The following EEF1AKMT2 variants were observed in gnomAD, a reference collection of about 807,000 sequenced individuals.
The protein encoded by EEF1AKMT2 is EEF1A lysine methyltransferase 2.
A neutral mutation model predicts 35.8 loss-of-function variants in EEF1AKMT2; 32 were observed. The observed-to-expected ratio is 0.89, with a 90% CI of 0.67 to 1.20. EEF1AKMT2 has a LOEUF of 1.20. Ranked by LOEUF, EEF1AKMT2 falls within the 50% of genes most tolerant of loss-of-function variation. The probability of loss-of-function intolerance (pLI) is 0.00; values close to 1 mark genes in which losing one functional copy is unlikely to be tolerated. For synonymous variants in EEF1AKMT2, 121 were observed against 133.7 expected (o/e 0.91, Z 0.65); for missense variants, 330 against 347.5 (o/e 0.95, Z 0.40).
intron 3 of EEF1AKMT2, chr10:124,782,930 A>G (rs1392020992): frequency 7.1e-6 from 3 of 421,210 alleles, no homozygotes; most frequent in African/African-American, 2.1e-5. Context: ...AAGGTTAGAG[A>G]TTGTTAGAAT....
At chr10:124,774,405 A>AG (rs1950470045) in intron 4 of EEF1AKMT2, among the ~76,000 whole-genome samples, 6 of 147,696 alleles carry the variant, frequency 4.1e-5, no homozygotes, top group Non-Finnish European at 8.9e-5. Context: ...AAAAAAAAAA[A>AG]AAAAACCCTT....
At chr10:124,772,133 G>A (rs1010022728) in intron 4 of EEF1AKMT2, among the ~76,000 whole-genome samples, 1 of 152,140 alleles carries the variant, frequency 6.6e-6, no homozygotes, top group East Asian at 1.9e-4. Flanking sequence ...ATGGGCATTG[G>A]CTTCAACTTA....
At chr10:124,783,036 GT>G in intron 3 of EEF1AKMT2, 1 of 376,268 alleles carries the variant, frequency 2.7e-6, no homozygotes, top group Non-Finnish European at 5.2e-6. Flanking sequence ...AATATAACAT[GT>G]AAAAACTAAA....
intron 4 of EEF1AKMT2, among the ~76,000 whole-genome samples, chr10:124,767,691 A>G (rs1950391653): frequency 6.6e-6 from 1 of 152,140 alleles, no homozygotes; most frequent in South Asian, 2.1e-4. Flanking sequence ...GGAAAAGAGT[A>G]GAAACTTTTC....
intron 3 of EEF1AKMT2, among the ~76,000 whole-genome samples, chr10:124,775,601 T>C (rs1277423687): frequency 6.6e-6 from 1 of 152,190 alleles, no homozygotes; most frequent in Non-Finnish European, 1.5e-5. Context: ...CACCATTTAC[T>C]AAATGGTTAC....
chr10:124,778,105 C>T (rs921730364), intron 3 of EEF1AKMT2, among the ~76,000 whole-genome samples: 25 of 151,832 alleles, frequency 1.6e-4, no homozygotes, highest in Admixed American at 1.5e-3. Context: ...GCAGGAGAAT[C>T]GCTTGAACCC....
chr10:124,779,747 CAAAAA>C (rs34475748), intron 3 of EEF1AKMT2, among the ~76,000 whole-genome samples: 2 of 28,174 alleles, frequency 7.1e-5, no homozygotes, highest in Non-Finnish European at 1.3e-4. Flanking sequence ...GACTCCATCT[CAAAAA>C]AAAAAAAAAA....
At chr10:124,775,981 G>C (rs1411633304) in intron 3 of EEF1AKMT2, among the ~76,000 whole-genome samples, 1 of 150,594 alleles carries the variant, frequency 6.6e-6, no homozygotes, top group Non-Finnish European at 1.5e-5. Context: ...GCAGTGGCAC[G>C]ATCTCGGCTC....
chr10:124,786,507 A>G (rs1034872956), intron 3 of EEF1AKMT2, among the ~76,000 whole-genome samples: 2 of 147,032 alleles, frequency 1.4e-5, no homozygotes, highest in African/African-American at 2.5e-5. Flanking sequence ...CTCCGTCTCA[A>G]AAAAAAAAAA....
chr10:124,786,046 T>C lies in EEF1AKMT2; in HGVS notation c.291+2997A>G, dbSNP rs114950616. Reference sequence around the variant, plus strand: ...TCAAAAACAGCCTACTATATGATGATAGAAGTGACAGCAGTGGTCACCTTT... The same window carrying C: ...TCAAAAACAGCCTACTATATGATGACAGAAGTGACAGCAGTGGTCACCTTT... On this transcript the variant is annotated intron_variant, in intron 3 of 6. Coordinates refer to ENST00000368836, the MANE Select transcript of EEF1AKMT2 (RefSeq NM_212554.4). Among the ~76,000 whole-genome samples, 227 of 152,102 alleles carry C rather than the reference T, an allele frequency of 1.5e-3. 1 individual carries two copies. Among genetic ancestry groups the C allele is most frequent in the African/African-American group, 4.6e-3 (191 of 41,498 alleles).
intron 6 of EEF1AKMT2, 70 bp from the exon 7 acceptor site, chr10:124,760,573 A>T: frequency 8.6e-7 from 1 of 1,160,788 alleles, no homozygotes; most frequent in African/African-American, 1.5e-5. Flanking sequence ...ATATGCATGC[A>T]TTAACACTGT....
Position 124,762,567 on chromosome 10 carries a change from C to A in EEF1AKMT2, c.617-9G>T. 1 of 1,185,226 alleles carries A rather than the reference C, an allele frequency of 8.4e-7. No individual in the cohort carries two copies. The highest frequency in any genetic ancestry group is 1.1e-6 in the Non-Finnish European group (1 of 921,316). 73.4% of individuals were successfully genotyped at this position (1,185,226 alleles called of 1,614,324 possible). A position where few individuals can be genotyped will look rare whatever the true frequency, so the allele number is the denominator to read the frequency against. On this transcript the variant is annotated splice_polypyrimidine_tract_variant and intron_variant, in intron 5 of 6. Transcript: ENST00000368836. The stretch of plus-strand genomic sequence containing the variant: ...TGCCACTGTACTCCAACCTGGGCAA[C>A]AGAGAGAGAGACAGACCGTTTCAAA...
At chr10:124,768,910 A>G (rs1397821638) in intron 4 of EEF1AKMT2, among the ~76,000 whole-genome samples, 2 of 151,978 alleles carry the variant, frequency 1.3e-5, no homozygotes, top group African/African-American at 2.4e-5. Flanking sequence ...GATAACAAGA[A>G]ATGATCACAT....
intron 3 of EEF1AKMT2, among the ~76,000 whole-genome samples, chr10:124,778,649 C>T (rs547938829): frequency 1.1e-3 from 160 of 150,222 alleles, no homozygotes; most frequent in Non-Finnish European, 2.0e-3. Context: ...ACTTGAACCC[C>T]GGAAGCAGAG....
chr10:124,782,653 A>T (rs967595790), intron 3 of EEF1AKMT2, among the ~76,000 whole-genome samples: 2 of 151,446 alleles, frequency 1.3e-5, no homozygotes, highest in Non-Finnish European at 2.9e-5. Context: ...CTGTACTAAA[A>T]ATACAAAAAG....
intron 3 of EEF1AKMT2, among the ~76,000 whole-genome samples, chr10:124,786,846 AC>A (rs1322567698): frequency 1.3e-5 from 2 of 152,118 alleles, no homozygotes; most frequent in Non-Finnish European, 2.9e-5. Context: ...AAAATAATCT[AC>A]AAGCTATTAA....
At chr10:124,780,616 A>G (rs1950531602) in intron 3 of EEF1AKMT2, among the ~76,000 whole-genome samples, 1 of 152,174 alleles carries the variant, frequency 6.6e-6, no homozygotes, top group Non-Finnish European at 1.5e-5. Flanking sequence ...CTGTGGAGCA[A>G]CAGAAAAATT....
At position 124,759,762 on chromosome 10, in the gene EEF1AKMT2, T is replaced by A. The variant is rs188521297; in HGVS notation, c.*741A>T. ...GACAACTTAACATAGCGCTAGCAAA[T>A]AATAACATTCCTTAGTTCTCTTTCC... On this transcript the variant is annotated 3_prime_UTR_variant, in exon 7 of 7. Coordinates refer to ENST00000368836, the MANE Select transcript of EEF1AKMT2 (RefSeq NM_212554.4). 3 of 152,296 alleles carry A rather than the reference T, an allele frequency of 2.0e-5. No homozygotes were observed. Among genetic ancestry groups the A allele is most frequent in the Admixed American group, 2.0e-4 (3 of 15,306 alleles). The allele number at this position is 152,296 out of a possible 1,614,324, so 9.4% of individuals were successfully genotyped here.
rs1424743072 is a variant in EEF1AKMT2 at position 124,759,329 on chromosome 10, A to C, written c.*1174T>G. 3 of 152,208 alleles carry C rather than the reference A, an allele frequency of 2.0e-5. No homozygotes were observed. The highest frequency in any genetic ancestry group is 7.2e-5 in the African/African-American group (3 of 41,450). The allele number at this position is 152,208 out of a possible 1,614,324, so 9.4% of individuals were successfully genotyped here. ...ACTACCCTTTCACAGAAGAATGACA[A>C]AATTCTTAATAGAGGCAAGTCTTTG... is the stretch of plus-strand genomic sequence containing the variant. On this transcript the variant is annotated 3_prime_UTR_variant, in exon 7 of 7. Transcript: ENST00000368836.
Sources: allele counts gnomAD v4.1 joint callset (sites outside exome capture counted in the v4.1 genomes callset), GRCh38; gene constraint gnomAD v4.1.1; transcripts MANE v1.5; gene names NCBI Gene and HGNC (gene_info 2026-07-23, HGNC 2026-07-21).